Variants in ASTN2 observed in about 807,000 individuals in gnomAD.
ASTN2 encodes astrotactin 2, also known as astrotactin-2.
ASTN2 carries 54 observed loss-of-function variants against 139.8 expected under a neutral mutation model. That is an observed-to-expected ratio of 0.39 (90% CI 0.31 to 0.48). The LOEUF is 0.48. Among genes scored for constraint, ASTN2 ranks in the 20% least tolerant of loss-of-function variants. The pLI is 0.95. For synonymous variants in ASTN2, 756 were observed against 719.5 expected, an observed-to-expected ratio of 1.05 and a Z score of -0.81; for missense variants, 1,565 against 1,725.1, an observed-to-expected ratio of 0.91 and a Z score of 1.64.
intron 4 of ASTN2, among the ~76,000 whole-genome samples, chr9:117,122,761 G>A (rs1587987905): frequency 1.3e-5 from 2 of 152,252 alleles, no homozygotes; most frequent in African/African-American, 4.8e-5. Context: ...TGGGTTTATG[G>A]AGGAGGAGGC....
chr9:116,671,564 T>G, intron 16 of ASTN2, among the ~76,000 whole-genome samples: 1 of 152,144 alleles, frequency 6.6e-6, no homozygotes, highest in East Asian at 1.9e-4. Flanking sequence ...CTCCTCATAT[T>G]TACTACCTCC....
chr9:117,024,107 G>C (rs1264377827), intron 6 of ASTN2, among the ~76,000 whole-genome samples: 1 of 152,108 alleles, frequency 6.6e-6, no homozygotes, highest in East Asian at 1.9e-4. Flanking sequence ...GTTCTTCAAG[G>C]TGGACAATGA....
At chr9:117,369,403 A>G (rs1040018317) in intron 1 of ASTN2, among the ~76,000 whole-genome samples, 29 of 152,096 alleles carry the variant, frequency 1.9e-4, no homozygotes, top group African/African-American at 2.4e-5. Flanking sequence ...CAAACACAGT[A>G]TCTCTACTCT....
chr9:116,620,186 A>T (rs1028437231), intron 18 of ASTN2, 124 bp downstream of exon 18: 54 of 1,364,364 alleles, frequency 4.0e-5, no homozygotes, highest in Non-Finnish European at 5.2e-5. Context: ...GGTAGATTCC[A>T]GGGTCTTTGA....
At chr9:116,974,518 T>G (rs1174524917) in intron 10 of ASTN2, among the ~76,000 whole-genome samples, 1 of 149,740 alleles carries the variant, frequency 6.7e-6, no homozygotes, top group Non-Finnish European at 1.5e-5. Flanking sequence ...TTTTTTTTTT[T>G]TTTTTTTTGA....
intron 13 of ASTN2, among the ~76,000 whole-genome samples, chr9:116,767,759 A>G (rs1194842210): frequency 3.3e-5 from 5 of 152,208 alleles, no homozygotes; most frequent in Non-Finnish European, 7.3e-5. Flanking sequence ...TAGCAGATCC[A>G]TCCTTGCTGA....
At chr9:116,822,194 A>AACAAC (rs11413146) in intron 11 of ASTN2, among the ~76,000 whole-genome samples, 1 of 141,812 alleles carries the variant, frequency 7.1e-6, no homozygotes, top group East Asian at 2.2e-4. Flanking sequence ...CCACAATAAC[A>AACAAC]AAAAAAAAAA....
chr9:117,293,988 C>A (rs1003369319), intron 1 of ASTN2, among the ~76,000 whole-genome samples: 1 of 152,208 alleles, frequency 6.6e-6, no homozygotes, highest in Non-Finnish European at 1.5e-5. Flanking sequence ...CAGTTGAAGG[C>A]GGAGCGAGCA....
At chr9:116,490,371 G>A (rs146941013) in intron 19 of ASTN2, among the ~76,000 whole-genome samples, 1 of 149,186 alleles carries the variant, frequency 6.7e-6, no homozygotes, top group East Asian at 2.0e-4. Context: ...TAGATGGAGT[G>A]AGGGTCTTAT....
intron 17 of ASTN2, among the ~76,000 whole-genome samples, chr9:116,624,744 A>C (rs950228991): frequency 2.6e-5 from 4 of 152,322 alleles, no homozygotes; most frequent in Middle Eastern, 6.8e-3. Flanking sequence ...GTATGACTCC[A>C]AAAAGATGCT....
At chr9:116,969,593 G>A (rs533287526) in intron 10 of ASTN2, among the ~76,000 whole-genome samples, 10 of 152,160 alleles carry the variant, frequency 6.6e-5, no homozygotes, top group African/African-American at 1.4e-4. Context: ...GATGAGGGAC[G>A]AAAAGAAACA....
chr9:116,532,638 T>A (rs1466150408), intron 19 of ASTN2, among the ~76,000 whole-genome samples: 1 of 152,336 alleles, frequency 6.6e-6, no homozygotes, highest in East Asian at 1.9e-4. Flanking sequence ...CCATTTCTTG[T>A]TTTTGTCAGG....
intron 10 of ASTN2, among the ~76,000 whole-genome samples, chr9:116,927,300 G>A (rs770886729): frequency 3.3e-5 from 5 of 152,138 alleles, no homozygotes; most frequent in African/African-American, 4.8e-5. Flanking sequence ...AAAGGAGATC[G>A]TGCATGTGGA....
intron 10 of ASTN2, among the ~76,000 whole-genome samples, chr9:116,921,750 A>G (rs1247078524): frequency 1.1e-4 from 16 of 152,194 alleles, no homozygotes; most frequent in Non-Finnish European, 1.5e-5. Flanking sequence ...GAAAAGACAC[A>G]GTGAGAAAGG....
intron 1 of ASTN2, among the ~76,000 whole-genome samples, chr9:117,334,612 T>C (rs1587957552): frequency 6.6e-6 from 1 of 152,110 alleles, no homozygotes; most frequent in East Asian, 1.9e-4. Context: ...GCTAAATGCC[T>C]TTTACACACC....
chr9:116,526,514 TGA>T (rs1192403408), intron 19 of ASTN2, among the ~76,000 whole-genome samples: 6 of 151,840 alleles, frequency 4.0e-5, no homozygotes, highest in African/African-American at 1.5e-4. Context: ...CCCAGCCACT[TGA>T]GAGACTCAGG....
chr9:116,786,662 T>C (rs189182148), intron 13 of ASTN2, among the ~76,000 whole-genome samples: 1 of 152,298 alleles, frequency 6.6e-6, no homozygotes, highest in East Asian at 1.9e-4. Context: ...ACATTCCTCA[T>C]TGAATGTCTT....
At chr9:117,161,166 C>T (rs1018152359) in intron 3 of ASTN2, among the ~76,000 whole-genome samples, 3 of 151,940 alleles carry the variant, frequency 2.0e-5, no homozygotes, top group Admixed American at 6.6e-5. Context: ...ATGTAGCTAC[C>T]AGGATGATGA....
intron 16 of ASTN2, among the ~76,000 whole-genome samples, chr9:116,717,129 A>G (rs994951335): frequency 4.6e-5 from 7 of 152,202 alleles, no homozygotes; most frequent in Non-Finnish European, 7.3e-5. Flanking sequence ...TGCTTGACTT[A>G]CAGACTTTTT....
Sources: gnomAD v4.1 joint callset for allele counts (sites outside exome capture counted in the v4.1 genomes callset) on GRCh38, gnomAD v4.1.1 for gene constraint, MANE v1.5 for transcripts, NCBI Gene and HGNC (gene_info 2026-07-23, HGNC 2026-07-21) for gene names.